Variants in TKTL1 observed in about 807,000 individuals in gnomAD.
TKTL1 encodes the protein transketolase like 1, also known as transketolase-like protein 1.
Under a neutral mutation model 39.3 loss-of-function variants are expected in TKTL1, and 1 was observed. The observed-to-expected ratio is 0.03, with a 90% CI of 0.01 to 0.12. TKTL1 has a LOEUF of 0.12. Ranked by LOEUF, TKTL1 falls within the 10% of genes least tolerant of loss-of-function variation. The pLI is 1.00. For missense variants in TKTL1, 575 were observed against 509.6 expected, an observed-to-expected ratio of 1.13 and a Z score of -1.24; for synonymous variants, 262 against 193.8, an observed-to-expected ratio of 1.35 and a Z score of -2.92.
chrX:154,328,545 C>CGAAAAAAA (rs2067511351), intron 12 of TKTL1, among the ~76,000 whole-genome samples: 2 of 15,322 alleles, frequency 1.3e-4, no homozygotes, highest in Non-Finnish European at 3.2e-4. Flanking sequence ...GACTCTGCCT[C>CGAAAAAAA]AAAAAAAAAA....
chrX:154,328,123 T>G (rs1195919317), intron 12 of TKTL1, among the ~76,000 whole-genome samples, 165 bp downstream of exon 12: 2 of 111,251 alleles, frequency 1.8e-5, no homozygotes, highest in African/African-American at 6.7e-5. Context: ...CACATCTGTG[T>G]GTCCCCAACA....
At chrX:154,324,602 G>A (rs1557171557) in intron 9 of TKTL1, among the ~76,000 whole-genome samples, 1 of 111,773 alleles carries the variant, frequency 8.9e-6, no homozygotes, top group African/African-American at 3.3e-5. Flanking sequence ...ACTGGAAGGA[G>A]GCACAAGGGA....
At chrX:154,304,735 C>T (rs1208076681) in intron 1 of TKTL1, among the ~76,000 whole-genome samples, 1 of 109,716 alleles carries the variant, frequency 9.1e-6, no homozygotes, top group Non-Finnish European at 1.9e-5. Context: ...TGGGGCAGAG[C>T]TCCAGGGAGT....
At chrX:154,304,977 C>T (rs1333227851) in intron 1 of TKTL1, 8 of 993,752 alleles carry the variant, frequency 8.1e-6, no homozygotes, top group Non-Finnish European at 1.1e-5. Context: ...TCACAATGCT[C>T]CTGAAAGTTC....
chrX:154,320,671 A>C, intron 7 of TKTL1, 86 bp from the exon 8 acceptor site: 2 of 961,672 alleles, frequency 2.1e-6, no homozygotes, highest in Non-Finnish European at 3.0e-6. Context: ...GCAGGTGCAG[A>C]ATGGGAGTTA....
intron 7 of TKTL1, among the ~76,000 whole-genome samples, chrX:154,317,786 C>T (rs1603353696): frequency 9.0e-6 from 1 of 111,578 alleles, no homozygotes; most frequent in Admixed American, 9.5e-5. Context: ...GGACAGGACC[C>T]AAGGCTGGTG....
chrX:154,295,806 T>C lies in TKTL1; in HGVS notation c.-54T>C, dbSNP rs1476966964. 1.7e-6 allele frequency: 2 copies of C among 1,185,843 alleles called. No individual in the cohort carries two copies. Among genetic ancestry groups the C allele is most frequent in the Non-Finnish European group, 2.3e-6 (2 of 881,284 alleles). ...GGCAGCTCGCAGGCGCCATTCGCTC[T>C]TCAGACGCCGGAGACGTAGGAGTGG... is the stretch of plus-strand genomic sequence containing the variant. On this transcript the variant is annotated 5_prime_UTR_variant, in exon 1 of 13. Coordinates refer to ENST00000369915, the MANE Select transcript of TKTL1 (RefSeq NM_012253.4).
At chrX:154,311,377 G>T in intron 5 of TKTL1, 139 bp downstream of exon 5, 2 of 870,051 alleles carry the variant, frequency 2.3e-6, no homozygotes, top group South Asian at 4.9e-5. Flanking sequence ...TATGTTGGAG[G>T]CTCCTGCTCT....
At chrX:154,304,854 T>A (rs1323828939) in intron 1 of TKTL1, 1 of 400,360 alleles carries the variant, frequency 2.5e-6, no homozygotes, top group Admixed American at 4.3e-5. Flanking sequence ...TTGGCAGCAT[T>A]CAGAAAGGGC....
chrX:154,324,783 C>G (rs1355931310), intron 9 of TKTL1, among the ~76,000 whole-genome samples: 1 of 112,010 alleles, frequency 8.9e-6, no homozygotes, highest in African/African-American at 3.2e-5. Context: ...AGCGACGTTT[C>G]TTGCTATATT....
intron 2 of TKTL1, among the ~76,000 whole-genome samples, chrX:154,307,243 C>G (rs1462230326): frequency 9.0e-6 from 1 of 111,428 alleles, no homozygotes; most frequent in Non-Finnish European, 1.9e-5. Flanking sequence ...TCTAGACTGT[C>G]ATATAACAGC....
chrX:154,312,262 C>T (rs1232445738), intron 5 of TKTL1, among the ~76,000 whole-genome samples: 2 of 112,373 alleles, frequency 1.8e-5, no homozygotes, highest in African/African-American at 3.2e-5. Flanking sequence ...ACCTGTAATC[C>T]CAGCTACTTA....
intron 12 of TKTL1, among the ~76,000 whole-genome samples, chrX:154,328,293 C>T (rs1469071937): frequency 9.1e-6 from 1 of 109,728 alleles, no homozygotes; most frequent in African/African-American, 3.3e-5. Flanking sequence ...CCTGTCATCC[C>T]AGCACTTTGG....
At chrX:154,324,678 G>T (rs1185171471) in intron 9 of TKTL1, among the ~76,000 whole-genome samples, 2 of 111,526 alleles carry the variant, frequency 1.8e-5, no homozygotes, top group Non-Finnish European at 3.8e-5. Context: ...CATTCAGGAA[G>T]GGCTGAACTT....
At chrX:154,299,129 T>G (rs1468041819) in intron 1 of TKTL1, among the ~76,000 whole-genome samples, 2 of 107,967 alleles carry the variant, frequency 1.9e-5, no homozygotes, top group African/African-American at 6.7e-5. Context: ...TCTAAGGGAT[T>G]TTTCATTTTC....
chrX:154,310,747 T>G, intron 3 of TKTL1, 89 bp from the exon 4 acceptor site: 1 of 799,129 alleles, frequency 1.3e-6, no homozygotes, highest in Non-Finnish European at 1.8e-6. Context: ...GCAGCTCCAG[T>G]TGCGTCCGTT....
At chrX:154,298,657 A>G (rs2067248920) in intron 1 of TKTL1, among the ~76,000 whole-genome samples, 1 of 110,674 alleles carries the variant, frequency 9.0e-6, no homozygotes, top group African/African-American at 3.3e-5. Context: ...TTTGTGCCCT[A>G]CACTCCAGCC....
At chrX:154,303,967 G>A (rs2148801460) in intron 1 of TKTL1, among the ~76,000 whole-genome samples, 1 of 109,981 alleles carries the variant, frequency 9.1e-6, no homozygotes, top group East Asian at 2.9e-4. Context: ...AGGGCACATC[G>A]TCTTTTTGGA....
intron 1 of TKTL1, among the ~76,000 whole-genome samples, chrX:154,300,786 T>C: frequency 9.0e-6 from 1 of 110,617 alleles, no homozygotes; most frequent in Non-Finnish European, 1.9e-5. Flanking sequence ...AACCTCCACC[T>C]CCCGGGTTCA....
Sources: gnomAD v4.1 joint callset for allele counts (sites outside exome capture counted in the v4.1 genomes callset) on GRCh38, gnomAD v4.1.1 for gene constraint, MANE v1.5 for transcripts, NCBI Gene and HGNC (gene_info 2026-07-23, HGNC 2026-07-21) for gene names.